The following CNTN6 variants were observed in gnomAD, a reference collection of about 807,000 sequenced individuals.
The protein encoded by CNTN6 is contactin 6.
Under a neutral mutation model 122.8 loss-of-function variants are expected in CNTN6, and 137 were observed. The ratio of observed to expected loss-of-function variants is 1.12; its 90% confidence interval spans 0.97 to 1.29. The LOEUF (loss-of-function observed/expected upper bound fraction) is 1.29. Among genes scored for constraint, CNTN6 ranks in the 50% most tolerant of loss-of-function variants. CNTN6 has a pLI of 0.00. For synonymous variants in CNTN6, 570 were observed against 426.0 expected, an observed-to-expected ratio of 1.34 and a Z score of -4.16; for missense variants, 1,634 against 1,223.4, an observed-to-expected ratio of 1.34 and a Z score of -5.01.
chr3:1,248,190 A>G (rs903613869), intron 4 of CNTN6, among the ~76,000 whole-genome samples: 1 of 152,154 alleles, frequency 6.6e-6, no homozygotes, highest in African/African-American at 2.4e-5. Context: ...TATTTCCAAG[A>G]TGGATACTTT....
chr3:1,401,270 G>A, intron 20 of CNTN6, 163 bp from the exon 21 acceptor site: 1 of 584,526 alleles, frequency 1.7e-6, no homozygotes, highest in South Asian at 2.0e-5. Context: ...GAATAAATTT[G>A]CTTACTGTGA....
chr3:1,096,705 T>C (rs2090545311), intron 1 of CNTN6, among the ~76,000 whole-genome samples: 2 of 152,156 alleles, frequency 1.3e-5, no homozygotes, highest in Non-Finnish European at 1.5e-5. Flanking sequence ...AGCTGGCAGG[T>C]TTTTGGGCAA....
intron 2 of CNTN6, among the ~76,000 whole-genome samples, chr3:1,210,307 T>G (rs924097047): frequency 1.3e-5 from 2 of 151,710 alleles, no homozygotes; most frequent in Non-Finnish European, 2.9e-5. Flanking sequence ...TAAAATTTTG[T>G]GACTTGACAG....
chr3:1,228,761 G>A (rs991257594), intron 4 of CNTN6, among the ~76,000 whole-genome samples: 9 of 152,238 alleles, frequency 5.9e-5, no homozygotes, highest in African/African-American at 2.2e-4. Flanking sequence ...TACCTGCAGG[G>A]CTCATAGAAA....
intron 7 of CNTN6, among the ~76,000 whole-genome samples, chr3:1,300,354 G>T (rs1025265660): frequency 3.3e-5 from 5 of 151,772 alleles, no homozygotes; most frequent in Non-Finnish European, 7.4e-5. Flanking sequence ...TGTCTCAGAG[G>T]GGGTATGAAT....
chr3:1,268,383 G>A (rs7432245), intron 4 of CNTN6, among the ~76,000 whole-genome samples: 79,836 of 151,296 alleles, frequency 0.53, 22,340 homozygotes, highest in East Asian at 0.82. Flanking sequence ...CGAGGCGGGC[G>A]GATCACGAGG....
At chr3:1,264,742 T>A (rs1450722872) in intron 4 of CNTN6, among the ~76,000 whole-genome samples, 1 of 152,076 alleles carries the variant, frequency 6.6e-6, no homozygotes, top group African/African-American at 2.4e-5. Flanking sequence ...TTCTAGAAAT[T>A]TTGGAGTATA....
intron 2 of CNTN6, among the ~76,000 whole-genome samples, chr3:1,166,648 G>A (rs1280108388): frequency 6.6e-6 from 1 of 152,078 alleles, no homozygotes; most frequent in Non-Finnish European, 1.5e-5. Context: ...AAGGACACAG[G>A]CTCCGCAATT....
intron 11 of CNTN6, among the ~76,000 whole-genome samples, chr3:1,333,842 G>A (rs1702666287): frequency 6.6e-6 from 1 of 152,098 alleles, no homozygotes; most frequent in Non-Finnish European, 1.5e-5. Flanking sequence ...CTTAGACTTG[G>A]TGCCAAGTCT....
chr3:1,233,992 A>G (rs918821149), intron 4 of CNTN6, among the ~76,000 whole-genome samples: 2 of 152,104 alleles, frequency 1.3e-5, no homozygotes, highest in Non-Finnish European at 2.9e-5. Context: ...ACATGTAGGC[A>G]TTTACAATCA....
At chr3:1,093,416 T>C (rs961459786) in intron 1 of CNTN6, among the ~76,000 whole-genome samples, 3 of 152,180 alleles carry the variant, frequency 2.0e-5, no homozygotes, top group Non-Finnish European at 4.4e-5. Context: ...TTTGCTGCAG[T>C]AAAACTAATG....
intron 2 of CNTN6, among the ~76,000 whole-genome samples, chr3:1,158,525 C>A (rs929176248): frequency 6.6e-6 from 1 of 151,576 alleles, no homozygotes; most frequent in Non-Finnish European, 1.5e-5. Context: ...TATATAGAAG[C>A]TTTTAAACTT....
chr3:1,227,183 G>T (rs1302978146), intron 3 of CNTN6, among the ~76,000 whole-genome samples: 1 of 152,136 alleles, frequency 6.6e-6, no homozygotes, highest in African/African-American at 2.4e-5. Flanking sequence ...TAAGCCAAGA[G>T]AATTTTTGCT....
chr3:1,313,805 G>A (rs1171246792), intron 7 of CNTN6, among the ~76,000 whole-genome samples: 2 of 152,100 alleles, frequency 1.3e-5, no homozygotes, highest in East Asian at 3.9e-4. Flanking sequence ...AGGCTGGGAA[G>A]TCCATGATCA....
intron 4 of CNTN6, among the ~76,000 whole-genome samples, chr3:1,275,427 A>G (rs1424872231): frequency 6.6e-6 from 1 of 152,108 alleles, no homozygotes; most frequent in East Asian, 1.9e-4. Context: ...ATGTTCACGT[A>G]TTATTCACCT....
At chr3:1,207,226 T>C (rs1404069082) in intron 2 of CNTN6, among the ~76,000 whole-genome samples, 1 of 151,984 alleles carries the variant, frequency 6.6e-6, no homozygotes, top group East Asian at 1.9e-4. Context: ...CCCCAGAAAA[T>C]GGAAAACCTA....
At chr3:1,117,902 T>G (rs761247952) in intron 1 of CNTN6, among the ~76,000 whole-genome samples, 41 of 152,160 alleles carry the variant, frequency 2.7e-4, no homozygotes, top group Middle Eastern at 3.2e-3. Context: ...TGAGCTTCAG[T>G]TCTTTGCAGT....
intron 4 of CNTN6, among the ~76,000 whole-genome samples, chr3:1,277,949 A>T (rs1692714998): frequency 6.6e-6 from 1 of 152,226 alleles, no homozygotes; most frequent in Non-Finnish European, 1.5e-5. Flanking sequence ...TTTTTGTCTC[A>T]TTGGTTCTGT....
rs147254743 is a variant in CNTN6, at chr3:1,158,969, C to CATATATATATATATATATATAT, written c.55+10921_55+10922insTATATATATATATATATATATA. 8.0e-5 allele frequency among the ~76,000 whole-genome samples: 9 copies of CATATATATATATATATATATAT among 112,962 alleles called. No individual in the cohort carries two copies. The East Asian group carries it at 9.7e-4, about 12-fold the overall frequency. The allele number at this position is 112,962 out of a possible 152,430, so 74.1% of individuals were successfully genotyped here. ...ATATATATATACACACACACACACA[C>CATATATATATATATATATATAT]ATATATATATATATAGACAAGGTCT... On this transcript the variant is annotated intron_variant, in intron 2 of 22. Transcript: ENST00000446702.
Sources: gnomAD v4.1 joint callset for allele counts (sites outside exome capture counted in the v4.1 genomes callset) on GRCh38, gnomAD v4.1.1 for gene constraint, MANE v1.5 for transcripts, NCBI Gene and HGNC (gene_info 2026-07-23, HGNC 2026-07-21) for gene names.